NUP205: variants seen among roughly 807,000 people sequenced by gnomAD.
NUP205 encodes the protein nucleoporin 205, also known as nuclear pore complex protein Nup205.
A neutral mutation model predicts 253.8 loss-of-function variants in NUP205; 76 were observed. The observed-to-expected ratio is 0.30, with a 90% CI of 0.25 to 0.36. NUP205 has a LOEUF of 0.36. Among genes scored for constraint, NUP205 ranks in the 10% least tolerant of loss-of-function variants. NUP205 has a pLI of 1.00. For missense variants in NUP205, 2,162 were observed against 2,425.5 expected (o/e 0.89, Z 2.28); for synonymous variants, 832 against 850.1 (o/e 0.98, Z 0.37).
At chr7:135,602,766 A>G (rs758587533) in intron 17 of NUP205, 39 bp from the exon 18 acceptor site, 2 of 1,499,328 alleles carry the variant, frequency 1.3e-6, no homozygotes, top group Non-Finnish European at 1.8e-6. Context: ...AGTTTTTAAG[A>G]TAAATTTAGA....
At chr7:135,643,117 T>C (rs527680835) in intron 38 of NUP205, 75 bp from the exon 39 acceptor site, 1 of 1,435,426 alleles carries the variant, frequency 7.0e-7, no homozygotes, top group East Asian at 2.3e-5. Context: ...CATCCCTTGT[T>C]TTAAAACAGG....
Position 135,598,114 on chromosome 7 carries a change from G to A in NUP205, c.2181G>A (p.Leu727=), listed in dbSNP as rs140856840. 6.2e-7 allele frequency: 1 copy of A among 1,614,112 alleles called. No homozygotes were observed. The highest frequency in any genetic ancestry group is 8.5e-7 in the Non-Finnish European group (1 of 1,180,000). ...SSFPSNLGAG[L]RPPGFDPYLQ... ...TTCCTTCTAATTTGGGTGCTGGACT[G>A]CGGCCCCCTGGCTTTGACCCTTATT... Residue 727 remains leucine (L), a synonymous_variant, in exon 15 of 43, where the codon CTG becomes CTA. Transcript: ENST00000285968.
chr7:135,643,353 A>C lies in NUP205; in HGVS notation c.5554A>C (p.Lys1852Gln). The change falls in exon 39 of 43, where the codon AAA becomes CAA. Residue 1852 changes from lysine (K) to glutamine (Q), a missense_variant. Physicochemically the swap from Lys to Gln is moderately conservative, Grantham distance 53. Around this residue, in one of 5 missense-constraint regions of NUP205, gnomAD observed 1,144 missense variants for 1,280.9 expected, o/e 0.89. Coordinates refer to ENST00000285968, the MANE Select transcript of NUP205 (RefSeq NM_015135.3). ...AGAGCAGCTTCCCCCAGATGAGATA[A>C]AAGAGGTACGAATCTTATAATGAGC... Reference protein sequence around the residue: ...NVEQLPPDEIKELCQSVMPAG... With the variant: ...NVEQLPPDEIQELCQSVMPAG... 3 of 1,613,680 alleles carry C rather than the reference A, an allele frequency of 1.9e-6. No homozygotes were observed. The highest frequency in any genetic ancestry group is 2.5e-6 in the Non-Finnish European group (3 of 1,179,740).
At chr7:135,569,362 C>T (rs1257800471) in intron 1 of NUP205, among the ~76,000 whole-genome samples, 2 of 152,192 alleles carry the variant, frequency 1.3e-5, no homozygotes, top group Non-Finnish European at 1.5e-5. Flanking sequence ...CGTGAGCCAC[C>T]GTGCCCGGCC....
intron 22 of NUP205, among the ~76,000 whole-genome samples, chr7:135,610,681 A>G (rs1794208278): frequency 6.6e-6 from 1 of 152,204 alleles, no homozygotes; most frequent in Non-Finnish European, 1.5e-5. Context: ...ATTTATAACT[A>G]AATATACTCC....
intron 42 of NUP205, 84 bp from the exon 43 acceptor site, chr7:135,648,320 A>T (rs1444863222): frequency 5.8e-6 from 7 of 1,211,098 alleles, no homozygotes; most frequent in Non-Finnish European, 7.7e-6. Context: ...CAAAAATTCT[A>T]AAGTGTTTTA....
At chr7:135,566,310 T>C (rs1805757602) in intron 1 of NUP205, among the ~76,000 whole-genome samples, 1 of 152,096 alleles carries the variant, frequency 6.6e-6, no homozygotes, top group Non-Finnish European at 1.5e-5. Flanking sequence ...AGTTTCATCA[T>C]GTTGGCCAGA....
intron 1 of NUP205, among the ~76,000 whole-genome samples, chr7:135,561,848 G>A (rs1203410642): frequency 1.3e-5 from 2 of 151,980 alleles, no homozygotes; most frequent in African/African-American, 4.8e-5. Context: ...TCCTAGTCAA[G>A]CCTTTCAAAA....
intron 33 of NUP205, among the ~76,000 whole-genome samples, chr7:135,626,865 A>G (rs1794602143): frequency 1.3e-5 from 2 of 152,170 alleles, no homozygotes; most frequent in Non-Finnish European, 1.5e-5. Flanking sequence ...TTTTGTTTAC[A>G]TGACTGCAGC....
rs752956537 is a variant in NUP205, at chr7:135,587,642, A to C, written c.1286A>C (p.Asn429Thr). Reference sequence around the variant, plus strand: ...ATTCACATGAGTATGCAGATGGGTAATGAACCCCCCATTTCACTTAGAAGG... The same window carrying C: ...ATTCACATGAGTATGCAGATGGGTACTGAACCCCCCATTTCACTTAGAAGG... Reference protein sequence around the residue: ...RMIHMSMQMGNEPPISLRRDL... With the variant: ...RMIHMSMQMGTEPPISLRRDL... Residue 429 changes from asparagine to threonine, a missense_variant, in exon 9 of 43, where the codon AAT becomes ACT. Around this residue, in one of 5 missense-constraint regions of NUP205, gnomAD observed 892 missense variants for 957.1 expected, o/e 0.93. Transcript: ENST00000285968. The C allele has an allele frequency of 6.2e-7, 1 of 1,611,668 alleles. No individual in the cohort carries two copies. Among genetic ancestry groups the C allele is most frequent in the Non-Finnish European group, 8.5e-7 (1 of 1,178,852 alleles).
At chr7:135,629,202 C>A (rs1488542201) in intron 34 of NUP205, among the ~76,000 whole-genome samples, 1 of 152,120 alleles carries the variant, frequency 6.6e-6, no homozygotes, top group Non-Finnish European at 1.5e-5. Context: ...ATATAGTCTG[C>A]CTTTAAAATG....
rs959046099 is a variant in NUP205 at position 135,589,342 on chromosome 7, A to G, written c.1473+1350A>G. ...CTCTTGTTGCCCAGGCTGGAGTGCA[A>G]TGGCGCAATCTCAGCTCACCCCAAC... On this transcript the variant is annotated intron_variant, in intron 10 of 42. Coordinates refer to ENST00000285968, the MANE Select transcript of NUP205 (RefSeq NM_015135.3). Among the ~76,000 whole-genome samples, 15 of 149,806 alleles carry G rather than the reference A, an allele frequency of 1.0e-4. 1 individual carries two copies. Among genetic ancestry groups the G allele is most frequent in the Non-Finnish European group, 2.1e-4 (14 of 67,344 alleles).
chr7:135,618,319 A>G (rs1794402141), intron 27 of NUP205, 93 bp from the exon 28 acceptor site: 1 of 1,004,892 alleles, frequency 1.0e-6, no homozygotes, highest in African/African-American at 1.6e-5. Flanking sequence ...GCATGCATGT[A>G]GTAGGTTTCC....
rs1161897975 is a variant in NUP205 at position 135,584,975 on chromosome 7, A to G, written c.1186A>G (p.Ile396Val). 4 of 1,607,108 alleles carry G rather than the reference A, an allele frequency of 2.5e-6. No individual in the cohort carries two copies. The South Asian group carries it at 4.4e-5, about 18-fold the overall frequency. Residue 396 changes from isoleucine (I) to valine (V), a missense_variant, in exon 8 of 43, where the codon ATC becomes GTC. Physicochemically the swap from Ile to Val is conservative, Grantham distance 29. Around this residue, in one of 5 missense-constraint regions of NUP205, gnomAD observed 892 missense variants for 957.1 expected, o/e 0.93. Coordinates refer to ENST00000285968, the MANE Select transcript of NUP205 (RefSeq NM_015135.3). Reference protein sequence around the residue: ...EFYIRRVHNLITDFLALMPMK... With the variant: ...EFYIRRVHNLVTDFLALMPMK... ...TTATATTCGCAGAGTCCATAATCTC[A>G]TCACAGATTTCCTTGCACTTATGCC...
chr7:135,575,479 T>C (rs770767314), intron 3 of NUP205, among the ~76,000 whole-genome samples: 3 of 151,782 alleles, frequency 2.0e-5, no homozygotes, highest in Non-Finnish European at 4.4e-5. Context: ...AAACTGAAAC[T>C]ATAGGCAAAG....
intron 35 of NUP205, among the ~76,000 whole-genome samples, chr7:135,631,972 C>G (rs149949121): frequency 1.2e-3 from 182 of 152,164 alleles, no homozygotes; most frequent in African/African-American, 4.2e-3. Context: ...GTCTTGATCT[C>G]CTGACCTTGT....
At chr7:135,587,760 A>G in intron 9 of NUP205, 69 bp downstream of exon 9, 7 of 1,535,924 alleles carry the variant, frequency 4.6e-6, no homozygotes, top group Non-Finnish European at 5.3e-6. Context: ...AACTTTGGAA[A>G]ATTTCAGGTG....
chr7:135,593,993 A>G (rs528690808), intron 12 of NUP205, among the ~76,000 whole-genome samples: 1 of 152,304 alleles, frequency 6.6e-6, no homozygotes, highest in African/African-American at 2.4e-5. Context: ...ACACAAAGAA[A>G]TGAGAAATGT....
chr7:135,637,840 A>T (rs1794838960), intron 36 of NUP205, 91 bp from the exon 37 acceptor site: 9 of 1,208,002 alleles, frequency 7.5e-6, no homozygotes, highest in Non-Finnish European at 9.2e-6. Flanking sequence ...GACTGATTCC[A>T]TTCTCCACTG....
Sources: allele counts gnomAD v4.1 joint callset (sites outside exome capture counted in the v4.1 genomes callset), GRCh38; gene constraint gnomAD v4.1.1; regional missense constraint gnomAD v4.1.1; transcripts MANE v1.5; gene names NCBI Gene and HGNC (gene_info 2026-07-23, HGNC 2026-07-21).